Variants in PLEKHM1 observed in about 807,000 individuals in gnomAD.
PLEKHM1 encodes the protein pleckstrin homology and RUN domain containing M1.
Under a neutral mutation model 94.3 loss-of-function variants are expected in PLEKHM1, and 28 were observed. The ratio of observed to expected loss-of-function variants is 0.30; its 90% CI spans 0.22 to 0.41. The LOEUF is 0.41. PLEKHM1 is among the 10% of genes least tolerant of loss of function. The pLI is 1.00. For missense variants in PLEKHM1, 907 were observed against 1,358.6 expected, an observed-to-expected ratio of 0.67 and a Z score of 5.22; for synonymous variants, 424 against 581.2, an observed-to-expected ratio of 0.73 and a Z score of 3.89.
intron 7 of PLEKHM1, among the ~76,000 whole-genome samples, chr17:45,452,498 C>T (rs1353766906): frequency 6.6e-6 from 1 of 151,564 alleles, no homozygotes; most frequent in African/African-American, 2.4e-5. Flanking sequence ...CAGTAGCAGA[C>T]ACCAACCAGG....
rs1416013940 is a variant in PLEKHM1, at chr17:45,444,401, C to G, written c.2837+1069G>C. 6.6e-6 allele frequency among the ~76,000 whole-genome samples: 1 copy of G among 152,166 alleles called. No individual in the cohort carries two copies. The highest frequency in any genetic ancestry group is 1.5e-5 in the Non-Finnish European group (1 of 68,014). The stretch of plus-strand genomic sequence containing the variant: ...ATGACAGGCATGGAGAGGCCTAAGT[C>G]CCTGTTGAAGCCCAGCATCACATCC... On this transcript the variant is annotated intron_variant, in intron 9 of 11. Transcript: ENST00000430334. The surrounding 1 kb of genome is among the most constrained non-coding windows in gnomAD (Gnocchi z 5.0).
Position 45,435,911 on chromosome 17 carries a change from A to G in PLEKHM1, c.*1947T>C. ...AGAAGCCAGACCAGTGATGAGAAAG[A>G]TCAGGTCTTTACTGCAAAATCATTC... On this transcript the variant is annotated 3_prime_UTR_variant, in exon 12 of 12. Transcript: ENST00000430334. 2.2e-6 allele frequency: 1 copy of G among 454,006 alleles called. No homozygotes were observed. The highest frequency in any genetic ancestry group is 4.4e-6 in the Non-Finnish European group (1 of 224,942). The allele number at this position is 454,006 out of a possible 1,614,324, so 28.1% of individuals were successfully genotyped here.
chr17:45,439,940 C>T (rs2050390108), intron 10 of PLEKHM1: 1 of 636,180 alleles, frequency 1.6e-6, no homozygotes, highest in Non-Finnish European at 2.8e-6. Context: ...TCCCTGTGAT[C>T]CTGGGGTTGC....
intron 9 of PLEKHM1, chr17:45,440,829 T>C: frequency 5.4e-6 from 1 of 184,336 alleles, no homozygotes; most frequent in Non-Finnish European, 1.2e-5. Context: ...ATTGCCACCA[T>C]TACATACCAG....
chr17:45,469,906 C>G (rs968611812), intron 4 of PLEKHM1, among the ~76,000 whole-genome samples: 3 of 152,054 alleles, frequency 2.0e-5, no homozygotes, highest in Admixed American at 2.0e-4. Context: ...AACCCCGTCT[C>G]TACTAAAAAT....
intron 4 of PLEKHM1, among the ~76,000 whole-genome samples, chr17:45,473,341 GC>G (rs2051578737): frequency 6.6e-6 from 1 of 152,174 alleles, no homozygotes; most frequent in South Asian, 2.1e-4. Context: ...GTAATCCCCA[GC>G]AATTTGGGAG....
intron 1 of PLEKHM1, among the ~76,000 whole-genome samples, chr17:45,489,210 G>A (rs1247632979): frequency 6.6e-6 from 1 of 152,114 alleles, no homozygotes; most frequent in Non-Finnish European, 1.5e-5. Flanking sequence ...ACCCACCTAG[G>A]CCTCAGCCTC....
chr17:45,453,698 A>G lies in PLEKHM1; in HGVS notation c.2154T>C (p.Asn718=). The change falls in exon 7 of 12, where the codon AAT becomes AAC. Residue 718 remains asparagine, a synonymous_variant. Transcript: ENST00000430334. This position sits in a 1 kb window ranked among gnomAD's most constrained non-coding sequence, Gnocchi z 4.1. ...EALKCFRIRN[N]EKMLSDSHGV... ...CGTGGCTGTCACTCAGCATCTTCTC[A>G]TTGTTCCTGATGCGGAAACATTTCA... The G allele has an allele frequency of 6.2e-7, 1 of 1,613,700 alleles. No homozygotes were observed. The highest frequency in any genetic ancestry group is 8.5e-7 in the Non-Finnish European group (1 of 1,179,780).
At position 45,437,321 on chromosome 17, in the gene PLEKHM1, G is replaced by A. The variant is rs1567755784; in HGVS notation, c.*537C>T. 1.3e-5 allele frequency: 6 copies of A among 454,172 alleles called. 1 individual carries two copies. The highest frequency in any genetic ancestry group is 6.2e-5 in the South Asian group (4 of 64,480). 28.1% of individuals were successfully genotyped at this position (454,172 alleles called of 1,614,324 possible). Reference sequence around the variant, plus strand: ...ATAGACCCTGTCCCAGCAGTGGCCTGCCCACCAGCCACCCGCTACCTCTAA... The same window carrying A: ...ATAGACCCTGTCCCAGCAGTGGCCTACCCACCAGCCACCCGCTACCTCTAA... On this transcript the variant is annotated 3_prime_UTR_variant, in exon 12 of 12. Coordinates refer to ENST00000430334, the MANE Select transcript of PLEKHM1 (RefSeq NM_014798.3). This position sits in a 1 kb window ranked among gnomAD's most constrained non-coding sequence, Gnocchi z 4.0.
At chr17:45,441,851 G>A (rs2050457540) in intron 9 of PLEKHM1, among the ~76,000 whole-genome samples, 1 of 152,204 alleles carries the variant, frequency 6.6e-6, no homozygotes, top group South Asian at 2.1e-4. Context: ...GGCTACCTGG[G>A]AAAGAGACCA....
At chr17:45,465,377 A>G (rs1268626658) in intron 5 of PLEKHM1, among the ~76,000 whole-genome samples, 2 of 152,070 alleles carry the variant, frequency 1.3e-5, no homozygotes, top group African/African-American at 2.4e-5. Context: ...TGAGACAACA[A>G]TGAAGTGAGT....
intron 6 of PLEKHM1, among the ~76,000 whole-genome samples, chr17:45,457,201 T>G (rs868768876): frequency 6.9e-6 from 1 of 145,412 alleles, no homozygotes; most frequent in Non-Finnish European, 1.5e-5. Flanking sequence ...AAAGAAGCAC[T>G]GGAGGACATT....
rs144673713 is a variant in PLEKHM1 at position 45,475,628 on chromosome 17, T to G, written c.395A>C (p.Glu132Ala). 1.5e-4 allele frequency: 242 copies of G among 1,613,896 alleles called. No individual in the cohort carries two copies. The highest frequency in any genetic ancestry group is 1.8e-4 in the Non-Finnish European group (210 of 1,179,998). ...CTGCAGCAGCAGCTTCAGGTAGCAC[T>G]CCATCAGGCCATCGTTCAGGGCCAG... ...LRLALNDGLM[E>A]CYLKLLLQEQ... Residue 132 changes from glutamate (E) to alanine (A), a missense_variant, in exon 4 of 12, where the codon GAG becomes GCG. This residue lies in a region of PLEKHM1 where 176 missense variants were observed against 306.0 expected (regional missense o/e 0.58). Coordinates refer to ENST00000430334, the MANE Select transcript of PLEKHM1 (RefSeq NM_014798.3).
At chr17:45,442,015 C>A (rs1243616410) in intron 9 of PLEKHM1, among the ~76,000 whole-genome samples, 1 of 152,194 alleles carries the variant, frequency 6.6e-6, no homozygotes, top group Admixed American at 6.5e-5. Context: ...CCACCTGTCT[C>A]CTGAGCCCTG....
At chr17:45,462,059 C>T (rs1413263810) in intron 5 of PLEKHM1, among the ~76,000 whole-genome samples, 2 of 152,008 alleles carry the variant, frequency 1.3e-5, no homozygotes, top group Non-Finnish European at 2.9e-5. Context: ...ATTTCCAGTC[C>T]CTGAATCAAG....
chr17:45,470,559 G>A lies in PLEKHM1; in HGVS notation c.924-1966C>T, dbSNP rs562540873. 2.0e-5 allele frequency among the ~76,000 whole-genome samples: 3 copies of A among 151,888 alleles called. No homozygotes were observed. In the East Asian group the frequency reaches 5.8e-4, roughly 30 times the overall value. ...CAGGAGAATCACTTGAACCCGGGAC[G>A]GGGAGGCTGCAGTGAGCCGAGATCA... On this transcript the variant is annotated intron_variant, in intron 4 of 11. Coordinates refer to ENST00000430334, the MANE Select transcript of PLEKHM1 (RefSeq NM_014798.3).
chr17:45,449,359 C>T (rs1421037858), intron 8 of PLEKHM1, among the ~76,000 whole-genome samples: 4 of 151,846 alleles, frequency 2.6e-5, no homozygotes, highest in African/African-American at 7.3e-5. Flanking sequence ...GCCATCTGCC[C>T]ATTCACCCAC....
At chr17:45,451,588 C>T (rs561209163) in intron 7 of PLEKHM1, among the ~76,000 whole-genome samples, 1 of 152,140 alleles carries the variant, frequency 6.6e-6, no homozygotes, top group Non-Finnish European at 1.5e-5. Context: ...CAGCTACTAC[C>T]AGCTATTTTG....
intron 2 of PLEKHM1, among the ~76,000 whole-genome samples, chr17:45,480,528 C>T (rs1052069089): frequency 5.3e-5 from 8 of 151,952 alleles, no homozygotes; most frequent in Non-Finnish European, 7.4e-5. Flanking sequence ...ACAAAAAAAA[C>T]GATTTTCATC....
Sources: gnomAD v4.1 joint callset for allele counts (sites outside exome capture counted in the v4.1 genomes callset) on GRCh38, gnomAD v4.1.1 for gene constraint, gnomAD v4.1.1 regional missense constraint, Gnocchi (gnomAD v3.1) non-coding constraint, MANE v1.5 for transcripts, NCBI Gene and HGNC (gene_info 2026-07-23, HGNC 2026-07-21) for gene names.